Variants in UNC13A observed in about 807,000 individuals in gnomAD.
The protein encoded by UNC13A is protein unc-13 homolog A.
In UNC13A, 61 loss-of-function variants were observed where a neutral mutation model predicts 219.7. The observed-to-expected ratio is 0.28, with a 90% CI of 0.23 to 0.34. The LOEUF (loss-of-function observed/expected upper bound fraction) is 0.34. Among genes scored for constraint, UNC13A ranks in the 10% least tolerant of loss-of-function variants. The pLI, the probability that UNC13A is intolerant of heterozygous loss-of-function variation, is 1.00. For synonymous variants in UNC13A, 920 were observed against 884.6 expected (o/e 1.04, Z -0.71); for missense variants, 1,476 against 2,270.3 (o/e 0.65, Z 7.11).
At chr19:17,619,672 A>G (rs2076707407) in intron 38 of UNC13A, among the ~76,000 whole-genome samples, 1 of 151,826 alleles carries the variant, frequency 6.6e-6, no homozygotes, top group African/African-American at 2.4e-5. Context: ...GGCTCAATCG[A>G]TCCTCCTACC....
At position 17,656,218 on chromosome 19, in the gene UNC13A, G is replaced by T. The variant is rs764955561; in HGVS notation, c.948C>A (p.Arg316=). 93 of 1,552,106 alleles carry T rather than the reference G, an allele frequency of 6.0e-5. No individual in the cohort carries two copies. Among genetic ancestry groups the T allele is most frequent in the Non-Finnish European group, 7.6e-5 (87 of 1,147,132 alleles). ...CCAGCTCTTCCTCATCCTGGTCCCA[G>T]CGAGGCGAGTCTTTGTGGTAGCTGA... ...SSVSYHKDSP[R]WDQDEEELEE... Residue 316 remains arginine (R), a synonymous_variant, in exon 10 of 44, where the codon CGC becomes CGA. Coordinates refer to ENST00000519716, the MANE Select transcript of UNC13A (RefSeq NM_001080421.3).
chr19:17,633,215 A>G (rs1312838853), intron 26 of UNC13A, 22 bp from the exon 27 acceptor site: 2 of 1,613,132 alleles, frequency 1.2e-6, no homozygotes, highest in Admixed American at 3.3e-5. Flanking sequence ...ATGGAAGTAT[A>G]AAACTTTGGC....
intron 1 of UNC13A, among the ~76,000 whole-genome samples, chr19:17,680,831 G>A (rs553086535): frequency 6.9e-6 from 1 of 145,214 alleles, no homozygotes; most frequent in Non-Finnish European, 1.5e-5. Context: ...GAATACCCTG[G>A]ATTCTTTTCT....
In UNC13A at chr19:17,655,945, C is replaced by T. The variant is rs373353074; in HGVS notation, c.1221G>A (p.Thr407=). 1.1e-5 allele frequency: 17 copies of T among 1,544,670 alleles called. No homozygotes were observed. The highest frequency in any genetic ancestry group is 1.1e-4 in the African/African-American group (8 of 72,874). ...DMAKVAPKPA[T]PDKVPAAEQI... ...GCTCAGCTGCAGGCACCTTGTCGGGCGTGGCTGGCTTGGGGGCCACCTTGG... is the reference window on the plus strand; with the variant it reads ...GCTCAGCTGCAGGCACCTTGTCGGGTGTGGCTGGCTTGGGGGCCACCTTGG... Residue 407 remains threonine (T), a synonymous_variant, in exon 10 of 44, where the codon ACG becomes ACA. Coordinates refer to ENST00000519716, the MANE Select transcript of UNC13A (RefSeq NM_001080421.3).
intron 2 of UNC13A, among the ~76,000 whole-genome samples, 197 bp downstream of exon 2, chr19:17,675,815 G>A (rs1232290267): frequency 5.9e-5 from 9 of 151,940 alleles, no homozygotes; most frequent in East Asian, 1.9e-4. Context: ...GGGGAGACCC[G>A]GGGACCCCCA....
rs931086894 is a variant in UNC13A at position 17,620,592 on chromosome 19, C to T, written c.4272+101G>A. The T allele has an allele frequency of 5.8e-4, 584 of 1,013,246 alleles. 1 individual carries two copies. Among genetic ancestry groups the T allele is most frequent in the Admixed American group, 3.4e-4 (15 of 44,260 alleles). 62.8% of individuals were successfully genotyped at this position (1,013,246 alleles called of 1,614,324 possible). A position where few individuals can be genotyped will look rare whatever the true frequency, so the allele number is the denominator to read the frequency against. On this transcript the variant is annotated intron_variant, in intron 38 of 43. Coordinates refer to ENST00000519716, the MANE Select transcript of UNC13A (RefSeq NM_001080421.3). Reference sequence around the variant, plus strand: ...GAGACCAACAGACAGGTTCACAGTACGCCCTCGGACGGCACGAACCACAGA... The same window carrying T: ...GAGACCAACAGACAGGTTCACAGTATGCCCTCGGACGGCACGAACCACAGA...
chr19:17,684,759 A>G (rs930532621), intron 1 of UNC13A, among the ~76,000 whole-genome samples: 1 of 152,304 alleles, frequency 6.6e-6, no homozygotes, highest in East Asian at 1.9e-4. Flanking sequence ...CTGCCTCTAC[A>G]TGGATATGAG....
intron 1 of UNC13A, among the ~76,000 whole-genome samples, chr19:17,677,201 C>A (rs914370895): frequency 6.6e-6 from 1 of 152,066 alleles, no homozygotes; most frequent in African/African-American, 2.4e-5. Context: ...CATGTCGCCC[C>A]CTCCTGGCTC....
intron 43 of UNC13A, 139 bp downstream of exon 43, chr19:17,609,801 C>T: frequency 8.0e-7 from 1 of 1,247,370 alleles, no homozygotes. Context: ...GTCTCCCTTT[C>T]CAGCACCCCC....
chr19:17,648,599 A>C lies in UNC13A; in HGVS notation c.1648T>G (p.Cys550Gly). ...ACTTCGAAGTTGTGTGGCGTCGTGC[A>C]CGAGATGGGGTAGATTAAGGCTTGC... ...TLQALIYPIS[C>G]TTPHNFEVWT... The change falls in exon 16 of 44, where the codon TGC becomes GGC. Residue 550 changes from cysteine (C) to glycine (G), a missense_variant. Cys to Gly is a radical substitution (Grantham distance 159, BLOSUM62 -3). Transcript: ENST00000519716. 6.2e-7 allele frequency: 1 copy of C among 1,613,702 alleles called. No homozygotes were observed. The highest frequency in any genetic ancestry group is 8.5e-7 in the Non-Finnish European group (1 of 1,179,694).
At position 17,605,386 on chromosome 19, in the gene UNC13A, G is replaced by C. The variant is rs1448303082; in HGVS notation, c.*668C>G. The C allele has an allele frequency of 6.5e-6, 1 of 152,712 alleles. No individual in the cohort carries two copies. Among genetic ancestry groups the C allele is most frequent in the Non-Finnish European group, 1.5e-5 (1 of 68,090 alleles). 9.5% of individuals were successfully genotyped at this position (152,712 alleles called of 1,614,324 possible). A position where few individuals can be genotyped will look rare whatever the true frequency, so the allele number is the denominator to read the frequency against. ...AGGCAAACTCCCAAAGGGAAGTAGG[G>C]GCAGCGTGGGGAACCAGAGCCGTCC... On this transcript the variant is annotated 3_prime_UTR_variant, in exon 44 of 44. Transcript: ENST00000519716.
chr19:17,662,059 T>C (rs554299716), intron 8 of UNC13A, among the ~76,000 whole-genome samples: 2 of 152,096 alleles, frequency 1.3e-5, no homozygotes, highest in South Asian at 2.1e-4. Context: ...CTGGCCAACA[T>C]GGTGAAACCC....
rs2079303929 is a variant in UNC13A, at chr19:17,649,467, C to A, written c.1518+42G>T. On this transcript the variant is annotated intron_variant, in intron 13 of 43. Transcript: ENST00000519716. This position sits in a 1 kb window ranked among gnomAD's most constrained non-coding sequence, Gnocchi z 4.4. Reference sequence around the variant, plus strand: ...TCCACAGGTTGTGCACTGCTTATAGCAGGCCTGCTCTGCTCAGGGAGTAAA... The same window carrying A: ...TCCACAGGTTGTGCACTGCTTATAGAAGGCCTGCTCTGCTCAGGGAGTAAA... The A allele has an allele frequency of 7.4e-6, 12 of 1,613,808 alleles. 1 individual carries two copies. In the East Asian group the frequency reaches 2.7e-4, roughly 36 times the overall value.
At chr19:17,644,884 G>A (rs994566357) in intron 19 of UNC13A, among the ~76,000 whole-genome samples, 5 of 151,236 alleles carry the variant, frequency 3.3e-5, no homozygotes, top group Admixed American at 2.0e-4. Flanking sequence ...TAGAGATGGG[G>A]TTTCACTATG....
intron 35 of UNC13A, 58 bp downstream of exon 35, chr19:17,624,771 C>T: frequency 1.0e-5 from 16 of 1,557,216 alleles, no homozygotes; most frequent in Non-Finnish European, 1.2e-5. Flanking sequence ...ACCAAGTTTT[C>T]TGGGCTCTCG....
At chr19:17,683,883 G>A (rs2080063954) in intron 1 of UNC13A, among the ~76,000 whole-genome samples, 1 of 152,032 alleles carries the variant, frequency 6.6e-6, no homozygotes, top group African/African-American at 2.4e-5. Context: ...GAGCCCAGGA[G>A]TTCAAGACCA....
In UNC13A at chr19:17,674,064, G is replaced by A. The variant is rs2079848528; in HGVS notation, c.152+593C>T. Among the ~76,000 whole-genome samples the A allele has an allele frequency of 6.6e-6, 1 of 152,238 alleles. No homozygotes were observed. The highest frequency in any genetic ancestry group is 1.5e-5 in the Non-Finnish European group (1 of 68,050). On this transcript the variant is annotated intron_variant, in intron 3 of 43. Transcript: ENST00000519716. The surrounding 1 kb of genome is among the most constrained non-coding windows in gnomAD (Gnocchi z 5.0). ...GTGGCAAGGCCTGGGAAGGCATGAT[G>A]CCCTGAAATTGTAGCTTGGAGGTAG...
intron 43 of UNC13A, among the ~76,000 whole-genome samples, chr19:17,608,834 A>G (rs2144913935): frequency 6.6e-6 from 1 of 151,534 alleles, no homozygotes; most frequent in South Asian, 2.1e-4. Flanking sequence ...TATTTTTAAT[A>G]GAGATGGAGT....
rs1316432782 is a variant in UNC13A at position 17,655,293 on chromosome 19, A to G, written c.1373T>C (p.Val458Ala). 4 of 1,581,472 alleles carry G rather than the reference A, an allele frequency of 2.5e-6. No homozygotes were observed. Among genetic ancestry groups the G allele is most frequent in the Non-Finnish European group, 2.6e-6 (3 of 1,165,356 alleles). Residue 458 changes from valine to alanine, a missense_variant, in exon 11 of 44, where the codon GTG (valine) becomes GCG (alanine). By Grantham distance (64) the Val-to-Ala change is moderately conservative. Around this residue, in one of 14 missense-constraint regions of UNC13A, gnomAD observed 351 missense variants for 342.6 expected, o/e 1.02. Transcript: ENST00000519716. ...KANWLRAFNK[V>A]RMQLQEARGE... ...ACTCACCTCCTGCAGCTGCATCCGC[A>G]CCTTGTTGAAGGCACGCAGCCAGTT...
Sources: allele counts gnomAD v4.1 joint callset (sites outside exome capture counted in the v4.1 genomes callset), GRCh38; gene constraint gnomAD v4.1.1; regional missense constraint gnomAD v4.1.1; non-coding constraint Gnocchi (gnomAD v3.1); transcripts MANE v1.5; gene names NCBI Gene and HGNC (gene_info 2026-07-23, HGNC 2026-07-21).